Variants in SORL1 observed in about 807,000 individuals in gnomAD.
The protein encoded by SORL1 is sortilin-related receptor.
In SORL1, 127 loss-of-function variants were observed where a neutral mutation model predicts 273.7. The ratio of observed to expected loss-of-function variants is 0.46; its 90% CI spans 0.40 to 0.54. The LOEUF is 0.54. SORL1 is among the 20% of genes least tolerant of loss of function. SORL1 has a pLI of 0.00. For missense variants in SORL1, 2,494 were observed against 2,846.1 expected (o/e 0.88, Z 2.81); for synonymous variants, 1,031 against 1,067.4 (o/e 0.97, Z 0.66).
At position 121,579,463 on chromosome 11, in the gene SORL1, G is replaced by A. The variant is rs146695569; in HGVS notation, c.3580+2063G>A. Among the ~76,000 whole-genome samples, 163 of 152,176 alleles carry A rather than the reference G, an allele frequency of 1.1e-3. 1 individual carries two copies. The highest frequency in any genetic ancestry group is 3.6e-3 in the African/African-American group (151 of 41,512). ...GTGCGTCCTCTTTGCTTTTCTTTTCGCCACTTTTACTTTCCACGAGGCTGT... is the reference window on the plus strand; with the variant it reads ...GTGCGTCCTCTTTGCTTTTCTTTTCACCACTTTTACTTTCCACGAGGCTGT... On this transcript the variant is annotated intron_variant, in intron 25 of 47. Transcript: ENST00000260197.
chr11:121,535,764 C>T (rs529248470), intron 12 of SORL1, among the ~76,000 whole-genome samples: 10 of 150,218 alleles, frequency 6.7e-5, no homozygotes, highest in African/African-American at 2.4e-4. Flanking sequence ...TTATTTGTTT[C>T]AGCTTCTGCC....
At chr11:121,503,985 G>A (rs1390985698) in intron 6 of SORL1, among the ~76,000 whole-genome samples, 1 of 152,218 alleles carries the variant, frequency 6.6e-6, no homozygotes, top group African/African-American at 2.4e-5. Context: ...AATTTGGAGA[G>A]TGTTATCATC....
chr11:121,464,689 T>A (rs971023573), intron 1 of SORL1, among the ~76,000 whole-genome samples: 2 of 152,052 alleles, frequency 1.3e-5, no homozygotes, highest in African/African-American at 4.8e-5. Context: ...CCGAGGCGAG[T>A]CAAGGTGTGG....
intron 11 of SORL1, among the ~76,000 whole-genome samples, chr11:121,529,241 G>A (rs558460864): frequency 3.9e-4 from 59 of 151,824 alleles, no homozygotes; most frequent in African/African-American, 1.4e-3. Context: ...TTTTGAGTTG[G>A]TGTCTTACTC....
chr11:121,600,954 G>A (rs958658906), intron 32 of SORL1, among the ~76,000 whole-genome samples: 5 of 151,788 alleles, frequency 3.3e-5, no homozygotes, highest in African/African-American at 1.2e-4. Flanking sequence ...GTGCACGTTA[G>A]TTACATATGT....
intron 6 of SORL1, among the ~76,000 whole-genome samples, chr11:121,507,732 C>T (rs1328977348): frequency 3.9e-5 from 6 of 151,920 alleles, no homozygotes; most frequent in Non-Finnish European, 8.8e-5. Context: ...TTTATAATAG[C>T]TTATTTAATT....
At chr11:121,465,271 A>ATG (rs1448036218) in intron 1 of SORL1, among the ~76,000 whole-genome samples, 1 of 152,210 alleles carries the variant, frequency 6.6e-6, no homozygotes, top group Non-Finnish European at 1.5e-5. Flanking sequence ...ATCATGCAAT[A>ATG]TGTGACCTTT....
At chr11:121,525,749 T>G (rs1395259521) in intron 11 of SORL1, among the ~76,000 whole-genome samples, 1 of 152,246 alleles carries the variant, frequency 6.6e-6, no homozygotes, top group Non-Finnish European at 1.5e-5. Flanking sequence ...ATCTTTTGCC[T>G]TTTTGAAAAA....
chr11:121,468,629 C>T (rs987202217), intron 1 of SORL1, among the ~76,000 whole-genome samples: 3 of 152,252 alleles, frequency 2.0e-5, no homozygotes, highest in Middle Eastern at 3.4e-3. Context: ...CCGTATTGGC[C>T]AGGCGGGTCT....
chr11:121,517,205 C>A (rs573636878), intron 8 of SORL1, among the ~76,000 whole-genome samples: 2 of 152,318 alleles, frequency 1.3e-5, no homozygotes, highest in Admixed American at 1.3e-4. Flanking sequence ...CAAAAGAGAA[C>A]CCCATGCCCA....
intron 13 of SORL1, 82 bp downstream of exon 13, chr11:121,543,808 T>G: frequency 7.6e-7 from 1 of 1,318,164 alleles, no homozygotes; most frequent in Admixed American, 2.0e-5. Flanking sequence ...TTAGATACTG[T>G]GTACTCAGAA....
chr11:121,586,475 T>G, intron 27 of SORL1, 146 bp downstream of exon 27: 1 of 676,138 alleles, frequency 1.5e-6, no homozygotes. Flanking sequence ...TGGCTAGGAC[T>G]CCTGGAGGCT....
Position 121,452,440 on chromosome 11 carries a change from G to T in SORL1, c.109G>T (p.Gly37Cys). 4 of 1,500,466 alleles carry T rather than the reference G, an allele frequency of 2.7e-6. No individual in the cohort carries two copies. The highest frequency in any genetic ancestry group is 3.5e-6 in the Non-Finnish European group (4 of 1,128,618). The allele number at this position is 1,500,466 out of a possible 1,614,324, so 92.9% of individuals were successfully genotyped here. A position where few individuals can be genotyped will look rare whatever the true frequency, so the allele number is the denominator to read the frequency against. The change falls in exon 1 of 48, where the codon GGC becomes TGC. Residue 37 changes from glycine to cysteine, a missense_variant. Gly to Cys is a radical substitution (Grantham distance 159). Around this residue, in one of 3 missense-constraint regions of SORL1, gnomAD observed 175 missense variants for 147.1 expected, o/e 1.19. Coordinates refer to ENST00000260197, the MANE Select transcript of SORL1 (RefSeq NM_003105.6). This position sits in a 1 kb window ranked among gnomAD's most constrained non-coding sequence, Gnocchi z 5.3. ...CGAAGTCTGGACGCAGAGGCTGCAC[G>T]GCGGCAGCGCGCCCTTGCCCCAGGA... ...LCEVWTQRLH[G>C]GSAPLPQDRG...
chr11:121,589,441 A>G (rs753445982), intron 29 of SORL1, 51 bp downstream of exon 29: 2 of 1,604,850 alleles, frequency 1.2e-6, no homozygotes, highest in Non-Finnish European at 1.7e-6. Context: ...GTTAACAGTG[A>G]TGCCTGCAGT....
chr11:121,557,337 C>G lies in SORL1; in HGVS notation c.2595C>G (p.Phe865Leu). The change falls in exon 19 of 48, where the codon TTC (phenylalanine) becomes TTG (leucine). Residue 865 changes from phenylalanine (F) to leucine (L), a missense_variant. Phe to Leu is a conservative substitution (Grantham distance 22). Around this residue, in one of 3 missense-constraint regions of SORL1, gnomAD observed 1,609 missense variants for 1,816.4 expected, o/e 0.89. Coordinates refer to ENST00000260197, the MANE Select transcript of SORL1 (RefSeq NM_003105.6). ...KIEVANPDGD[F>L]RLTIVNSSVL... is the part of the protein sequence containing the mutation. ...AGGTAGCTAATCCAGATGGCGACTT[C>G]CGACTCACAATCGTCAATTCCTCTG... 6.2e-7 allele frequency: 1 copy of G among 1,614,174 alleles called. No individual in the cohort carries two copies. The highest frequency in any genetic ancestry group is 8.5e-7 in the Non-Finnish European group (1 of 1,179,990).
At position 121,572,637 on chromosome 11, in the gene SORL1, G is replaced by A. The variant is rs141900780; in HGVS notation, c.3338-1604G>A. On this transcript the variant is annotated intron_variant, in intron 23 of 47. Transcript: ENST00000260197. ...TAAGCAGGGCTGCAGGAGCTGGACC[G>A]CAGTGACTGAGTACTGCCATGTGGG... 2.5e-3 allele frequency among the ~76,000 whole-genome samples: 379 copies of A among 152,248 alleles called. 1 individual carries two copies. The highest frequency in any genetic ancestry group is 4.5e-3 in the Non-Finnish European group (303 of 68,014).
intron 8 of SORL1, among the ~76,000 whole-genome samples, chr11:121,518,613 C>T (rs1014259051): frequency 2.0e-5 from 3 of 152,138 alleles, no homozygotes; most frequent in African/African-American, 4.8e-5. Flanking sequence ...AAGGAGGAAT[C>T]GAGACCTTCA....
Position 121,475,768 on chromosome 11 carries a change from C to T in SORL1, c.403-2350C>T, listed in dbSNP as rs576515595. 3.3e-5 allele frequency among the ~76,000 whole-genome samples: 5 copies of T among 152,292 alleles called. No individual in the cohort carries two copies. In the South Asian group the frequency reaches 1.0e-3, roughly 32 times the overall value. ...TTTGTCTCTTACTAGCGGTATGACC[C>T]GGAGCTAGCCATTCACTTCTGGGAA... On this transcript the variant is annotated intron_variant, in intron 2 of 47. Coordinates refer to ENST00000260197, the MANE Select transcript of SORL1 (RefSeq NM_003105.6).
chr11:121,476,525 T>C (rs1170134035), intron 2 of SORL1, among the ~76,000 whole-genome samples: 1 of 152,226 alleles, frequency 6.6e-6, no homozygotes, highest in African/African-American at 2.4e-5. Context: ...CATTTACATG[T>C]TTACATGCCC....
Sources: allele counts gnomAD v4.1 joint callset (sites outside exome capture counted in the v4.1 genomes callset), GRCh38; gene constraint gnomAD v4.1.1; regional missense constraint gnomAD v4.1.1; non-coding constraint Gnocchi (gnomAD v3.1); transcripts MANE v1.5; gene names NCBI Gene and HGNC (gene_info 2026-07-23, HGNC 2026-07-21).